Variants in WDR33 observed in about 807,000 individuals in gnomAD.
WDR33 encodes WD repeat domain 33, also known as pre-mRNA 3' end processing protein WDR33.
WDR33 carries 47 observed loss-of-function variants against 164.9 expected under a neutral mutation model. The ratio of observed to expected loss-of-function variants is 0.29; its 90% CI spans 0.23 to 0.36. The LOEUF is 0.36. WDR33 is among the 10% of genes least tolerant of loss of function. The pLI, the probability that WDR33 is intolerant of heterozygous loss-of-function variation, is 1.00. For missense variants in WDR33, 1,137 were observed against 1,754.1 expected (o/e 0.65, Z 6.28); for synonymous variants, 505 against 589.0 (o/e 0.86, Z 2.06).
chr2:127,793,668 G>A (rs530259352), intron 1 of WDR33, among the ~76,000 whole-genome samples: 10 of 152,256 alleles, frequency 6.6e-5, no homozygotes, highest in African/African-American at 2.2e-4. Flanking sequence ...CTGAATCCAG[G>A]TGTTTGAGGC....
chr2:127,715,836 G>C (rs1409852182), intron 17 of WDR33, among the ~76,000 whole-genome samples: 7 of 152,298 alleles, frequency 4.6e-5, no homozygotes, highest in Admixed American at 3.9e-4. Flanking sequence ...CCAGTGATGG[G>C]GCGGCGGCGG....
intron 1 of WDR33, among the ~76,000 whole-genome samples, chr2:127,780,098 C>A (rs552781414): frequency 6.6e-6 from 1 of 151,872 alleles, no homozygotes; most frequent in African/African-American, 2.4e-5. Context: ...CTCAGCCTCT[C>A]GAGTAGCTGG....
Position 127,764,642 on chromosome 2 carries a change from A to T in WDR33, c.626+186T>A. 1.3e-6 allele frequency: 2 copies of T among 1,559,202 alleles called. No individual in the cohort carries two copies. The highest frequency in any genetic ancestry group is 1.7e-6 in the Non-Finnish European group (2 of 1,150,718). On this transcript the variant is annotated intron_variant, in intron 6 of 21. Coordinates refer to ENST00000322313, the MANE Select transcript of WDR33 (RefSeq NM_018383.5). The surrounding 1 kb of genome is among the most constrained non-coding windows in gnomAD (Gnocchi z 6.2). ...TTGCAAAGGCTGATACCGGGACAAC[A>T]CTACTTCAGAAAGGTGCCAGCAAAA...
intron 1 of WDR33, among the ~76,000 whole-genome samples, chr2:127,782,185 T>A (rs1688394605): frequency 6.6e-6 from 1 of 151,576 alleles, no homozygotes; most frequent in African/African-American, 2.4e-5. Context: ...GGCAGGAGGG[T>A]CATTTGAGGT....
At chr2:127,768,150 G>T (rs768519446) in intron 4 of WDR33, 39 bp downstream of exon 4, 8 of 1,308,986 alleles carry the variant, frequency 6.1e-6, no homozygotes, top group Middle Eastern at 1.9e-4. Flanking sequence ...ATATAACGCA[G>T]GATTAATTTT....
In WDR33 at chr2:127,720,769, A is replaced by G. The variant is rs1417672311; in HGVS notation, c.1672-416T>C. ...GAGACAGGGTCTTGCTATATTGCCCAGGCTGATCTCAAACTCCTGGGTTCA... is the reference window on the plus strand; with the variant it reads ...GAGACAGGGTCTTGCTATATTGCCCGGGCTGATCTCAAACTCCTGGGTTCA... On this transcript the variant is annotated intron_variant, in intron 15 of 21. Coordinates refer to ENST00000322313, the MANE Select transcript of WDR33 (RefSeq NM_018383.5). This position sits in a 1 kb window ranked among gnomAD's most constrained non-coding sequence, Gnocchi z 5.9. Among the ~76,000 whole-genome samples the G allele has an allele frequency of 6.6e-6, 1 of 152,140 alleles. No homozygotes were observed. The highest frequency in any genetic ancestry group is 1.9e-4 in the East Asian group (1 of 5,178).
chr2:127,764,578 AC>A lies in WDR33; in HGVS notation c.626+249del, dbSNP rs1265747638. ...TATTAATCATAAATGAAAAGAGAAA[AC>A]CAGTGCAAAATGCGGCAGACAGTAC... On this transcript the variant is annotated intron_variant, in intron 6 of 21. Transcript: ENST00000322313. This position sits in a 1 kb window ranked among gnomAD's most constrained non-coding sequence, Gnocchi z 6.2. The A allele has an allele frequency of 1.9e-6, 3 of 1,551,362 alleles. No homozygotes were observed. Among genetic ancestry groups the A allele is most frequent in the Non-Finnish European group, 2.6e-6 (3 of 1,146,978 alleles).
Position 127,717,007 on chromosome 2 carries a change from A to C in WDR33, c.2869+148T>G. 1 of 801,678 alleles carries C rather than the reference A, an allele frequency of 1.2e-6. No individual in the cohort carries two copies. Among genetic ancestry groups the C allele is most frequent in the South Asian group, 1.7e-5 (1 of 59,924 alleles). 49.7% of individuals were successfully genotyped at this position (801,678 alleles called of 1,614,324 possible). Reference sequence around the variant, plus strand: ...CAGATCCAAGAACACAACCAAAGACAAAGCTCCTACCTGAATGACCACACC... The same window carrying C: ...CAGATCCAAGAACACAACCAAAGACCAAGCTCCTACCTGAATGACCACACC... On this transcript the variant is annotated intron_variant, in intron 17 of 21. Coordinates refer to ENST00000322313, the MANE Select transcript of WDR33 (RefSeq NM_018383.5). The surrounding 1 kb of genome is among the most constrained non-coding windows in gnomAD (Gnocchi z 5.6).
intron 7 of WDR33, among the ~76,000 whole-genome samples, chr2:127,740,346 T>TACACACACACACAC (rs71307275): frequency 1.0e-4 from 15 of 149,698 alleles, no homozygotes; most frequent in Admixed American, 3.3e-4. Flanking sequence ...TGTATTTCTC[T>TACACACACACACAC]ACACACACAC....
At chr2:127,707,306 A>G (rs1050301264) in intron 21 of WDR33, among the ~76,000 whole-genome samples, 1 of 152,084 alleles carries the variant, frequency 6.6e-6, no homozygotes, top group Non-Finnish European at 1.5e-5. Context: ...TCCTCAGGAA[A>G]TGATAGGATT....
Position 127,711,359 on chromosome 2 carries a change from A to G in WDR33, c.3309-1503T>C, listed in dbSNP as rs146943369. Among the ~76,000 whole-genome samples the G allele has an allele frequency of 1.7e-4, 25 of 144,740 alleles. No homozygotes were observed. The East Asian group carries it at 5.6e-3, about 32-fold the overall frequency. 95.0% of individuals were successfully genotyped at this position (144,740 alleles called of 152,430 possible). A position where few individuals can be genotyped will look rare whatever the true frequency, so the allele number is the denominator to read the frequency against. On this transcript the variant is annotated intron_variant, in intron 18 of 21. Coordinates refer to ENST00000322313, the MANE Select transcript of WDR33 (RefSeq NM_018383.5). Reference sequence around the variant, plus strand: ...AGAATCGCTTGAACCCAGGAGGTGGAGGCTGCAGTGAGCCGAGATCATGCC... The same window carrying G: ...AGAATCGCTTGAACCCAGGAGGTGGGGGCTGCAGTGAGCCGAGATCATGCC...
Position 127,735,731 on chromosome 2 carries a change from G to A in WDR33, c.725-8954C>T. Reference sequence around the variant, plus strand: ...TAGCCAGATACTCCAGTTGGACAGAGGATTTAAGATTTTAAAAAATTAAGA... The same window carrying A: ...TAGCCAGATACTCCAGTTGGACAGAAGATTTAAGATTTTAAAAAATTAAGA... On this transcript the variant is annotated intron_variant, in intron 7 of 21. Coordinates refer to ENST00000322313, the MANE Select transcript of WDR33 (RefSeq NM_018383.5). This position sits in a 1 kb window ranked among gnomAD's most constrained non-coding sequence, Gnocchi z 4.3. The A allele has an allele frequency of 2.0e-6, 2 of 985,530 alleles. No homozygotes were observed. Among genetic ancestry groups the A allele is most frequent in the Non-Finnish European group, 2.4e-6 (2 of 829,920 alleles). The allele number at this position is 985,530 out of a possible 1,614,324, so 61.0% of individuals were successfully genotyped here.
chr2:127,723,909 TC>T lies in WDR33; in HGVS notation c.1196+423del, dbSNP rs1558924971. 6.6e-6 allele frequency among the ~76,000 whole-genome samples: 1 copy of T among 151,954 alleles called. No individual in the cohort carries two copies. Among genetic ancestry groups the T allele is most frequent in the Non-Finnish European group, 1.5e-5 (1 of 67,996 alleles). ...CTGGGCAACATGGTGAAACCCCATC[TC>T]TACAAAAAATGCAAAAATTAGCCAG... On this transcript the variant is annotated intron_variant, in intron 11 of 21. Transcript: ENST00000322313. The surrounding 1 kb of genome is among the most constrained non-coding windows in gnomAD (Gnocchi z 5.9).
rs1335441828 is a variant in WDR33, at chr2:127,709,695, C to T, written c.3470G>A (p.Arg1157Gln). 2.9e-5 allele frequency: 47 copies of T among 1,614,096 alleles called. No homozygotes were observed. The highest frequency in any genetic ancestry group is 3.8e-5 in the Non-Finnish European group (45 of 1,180,044). ...GGTGTCTTTAGTAACTCGCTCACCT[C>T]GTGGGGTACCCCGACCTCGACCTCT... ...DLRGRGRGTP[R>Q]GGRKGLLPTP... Residue 1157 changes from arginine (R) to glutamine (Q), a missense_variant and splice_region_variant, in exon 19 of 22, where the codon CGA becomes CAA. Transcript: ENST00000322313. This position sits in a 1 kb window ranked among gnomAD's most constrained non-coding sequence, Gnocchi z 5.0.
chr2:127,762,950 T>C (rs1687721303), intron 7 of WDR33, 112 bp downstream of exon 7: 3 of 1,539,786 alleles, frequency 1.9e-6, no homozygotes, highest in African/African-American at 1.4e-5. Context: ...ACGGTGTGTA[T>C]ATGTAAAAAA....
Position 127,778,111 on chromosome 2 carries a change from T to C in WDR33, c.-23-7107A>G, listed in dbSNP as rs540802642. 3.1e-3 allele frequency among the ~76,000 whole-genome samples: 473 copies of C among 152,140 alleles called. 2 individuals are homozygous for C. The highest frequency in any genetic ancestry group is 3.8e-3 in the Non-Finnish European group (255 of 67,992). On this transcript the variant is annotated intron_variant, in intron 1 of 21. Transcript: ENST00000322313. The stretch of plus-strand genomic sequence containing the variant: ...GAGTTGGAGACAAGCCTAGGCAGAA[T>C]AGCAAGACCCCCATCTCTGCAAAAA...
At chr2:127,737,008 G>T in intron 7 of WDR33, 1 of 985,324 alleles carries the variant, frequency 1.0e-6, no homozygotes, top group Non-Finnish European at 1.2e-6. Context: ...GCCTGAGGGT[G>T]TATAAAATGT....
Position 127,714,092 on chromosome 2 carries a change from T to A in WDR33, c.2870-71A>T. On this transcript the variant is annotated intron_variant, in intron 17 of 21. Coordinates refer to ENST00000322313, the MANE Select transcript of WDR33 (RefSeq NM_018383.5). The surrounding 1 kb of genome is among the most constrained non-coding windows in gnomAD (Gnocchi z 4.3). ...GCCAACATAGGTCTGATCTGTAGCA[T>A]CTCTACATTTCAGAATACATTCTTT... 7.2e-7 allele frequency: 1 copy of A among 1,383,734 alleles called. No individual in the cohort carries two copies. The highest frequency in any genetic ancestry group is 9.5e-7 in the Non-Finnish European group (1 of 1,051,530). 85.7% of individuals were successfully genotyped at this position (1,383,734 alleles called of 1,614,324 possible). A position where few individuals can be genotyped will look rare whatever the true frequency, so the allele number is the denominator to read the frequency against.
At chr2:127,804,852 G>A (rs1195676034) in intron 1 of WDR33, among the ~76,000 whole-genome samples, 1 of 152,142 alleles carries the variant, frequency 6.6e-6, no homozygotes, top group Non-Finnish European at 1.5e-5. Context: ...GTACTCACAT[G>A]ATGCTAAAGT....
Sources: allele counts gnomAD v4.1 joint callset (sites outside exome capture counted in the v4.1 genomes callset), GRCh38; gene constraint gnomAD v4.1.1; non-coding constraint Gnocchi (gnomAD v3.1); transcripts MANE v1.5; gene names NCBI Gene and HGNC (gene_info 2026-07-23, HGNC 2026-07-21).